The following LYST variants were observed in gnomAD, a reference collection of about 807,000 sequenced individuals.
LYST encodes the protein lysosomal-trafficking regulator.
LYST carries 192 observed loss-of-function variants against 413.6 expected under a neutral mutation model. The ratio of observed to expected loss-of-function variants is 0.46; its 90% CI spans 0.41 to 0.52. The LOEUF is 0.52. Ranked by LOEUF, LYST falls within the 20% of genes least tolerant of loss-of-function variation. LYST has a pLI of 0.00. For missense variants in LYST, 3,815 were observed against 4,499.9 expected (o/e 0.85, Z 4.35); for synonymous variants, 1,525 against 1,567.3 (o/e 0.97, Z 0.64).
intron 46 of LYST, among the ~76,000 whole-genome samples, chr1:235,696,057 A>G (rs1247190848): frequency 1.3e-5 from 2 of 152,238 alleles, no homozygotes; most frequent in South Asian, 4.1e-4. Flanking sequence ...TGAACCATTG[A>G]TAACACAATA....
chr1:235,758,896 C>A (rs41305568), intron 23 of LYST, 76 bp downstream of exon 23: 7 of 1,351,956 alleles, frequency 5.2e-6, no homozygotes, highest in Non-Finnish European at 7.4e-6. Context: ...ATAATGAAGA[C>A]GTTTCCAGAG....
chr1:235,853,669 C>A (rs913562804), intron 1 of LYST, among the ~76,000 whole-genome samples: 1 of 152,102 alleles, frequency 6.6e-6, no homozygotes, highest in Non-Finnish European at 1.5e-5. Flanking sequence ...TCTTGGTTAA[C>A]ATGCCATTCC....
rs553317135 is a variant in LYST at position 235,723,277 on chromosome 1, G to A, written c.9315+751C>T. 1.1e-4 allele frequency among the ~76,000 whole-genome samples: 16 copies of A among 152,274 alleles called. No homozygotes were observed. The South Asian group carries it at 3.1e-3, about 30-fold the overall frequency. On this transcript the variant is annotated intron_variant, in intron 39 of 52. Coordinates refer to ENST00000389793, the MANE Select transcript of LYST (RefSeq NM_000081.4). ...GACTTCTAAATGGAGACATCAGTCG[G>A]GAGTTACAATATGTGAGTGTGGCAT...
intron 21 of LYST, 111 bp downstream of exon 21, chr1:235,765,968 G>A (rs776206544): frequency 1.9e-4 from 164 of 865,518 alleles, no homozygotes; most frequent in Middle Eastern, 1.0e-3. Context: ...ACCCCAATAT[G>A]TAATTAGAGC....
intron 44 of LYST, among the ~76,000 whole-genome samples, chr1:235,704,455 G>C (rs539750672): frequency 6.6e-6 from 1 of 152,120 alleles, no homozygotes; most frequent in African/African-American, 2.4e-5. Flanking sequence ...ATTCTGACTG[G>C]TGGGAGACGG....
chr1:235,667,914 G>A (rs1658629702), intron 50 of LYST, among the ~76,000 whole-genome samples: 1 of 151,710 alleles, frequency 6.6e-6, no homozygotes, highest in East Asian at 1.9e-4. Flanking sequence ...TACCCACCTC[G>A]GCCTCCCAAA....
At chr1:235,761,986 G>C (rs183174366) in intron 22 of LYST, among the ~76,000 whole-genome samples, 1 of 119,514 alleles carries the variant, frequency 8.4e-6, no homozygotes, top group Non-Finnish European at 1.7e-5. Context: ...GGTGGGGGGA[G>C]GGGGGAGGGA....
At chr1:235,844,836 A>G (rs551206080) in intron 1 of LYST, among the ~76,000 whole-genome samples, 5 of 152,350 alleles carry the variant, frequency 3.3e-5, no homozygotes, top group South Asian at 2.1e-4. Context: ...CAGTTAAAAC[A>G]TATCAGTTGA....
rs1161712139 is a variant in LYST, at chr1:235,691,699, C to CT, written c.10701+1650dup. On this transcript the variant is annotated intron_variant, in intron 47 of 52. Coordinates refer to ENST00000389793, the MANE Select transcript of LYST (RefSeq NM_000081.4). ...AAGTACTATAAACATCAGATTCTCTCTTTTTTTTTTTTTTGAGATGGAGTT... is the reference window on the plus strand; with the variant it reads ...AAGTACTATAAACATCAGATTCTCTCTTTTTTTTTTTTTTTGAGATGGAGTT... Among the ~76,000 whole-genome samples the CT allele has an allele frequency of 1.3e-3, 185 of 141,974 alleles. 1 individual carries two copies. The East Asian group carries it at 0.023, about 18-fold the overall frequency. 93.1% of individuals were successfully genotyped at this position (141,974 alleles called of 152,430 possible).
At chr1:235,752,250 T>C in intron 26 of LYST, 79 bp from the exon 27 acceptor site, 1 of 1,043,294 alleles carries the variant, frequency 9.6e-7, no homozygotes, top group Non-Finnish European at 1.5e-6. Flanking sequence ...CTAACTGATT[T>C]AAATGGTTTA....
At chr1:235,685,792 G>A (rs1488070689) in intron 48 of LYST, among the ~76,000 whole-genome samples, 2 of 151,194 alleles carry the variant, frequency 1.3e-5, no homozygotes, top group Non-Finnish European at 2.9e-5. Flanking sequence ...ATTGCATTGA[G>A]CCAAGATCAC....
chr1:235,774,851 T>C, intron 18 of LYST, 62 bp downstream of exon 18: 2 of 1,100,740 alleles, frequency 1.8e-6, no homozygotes, highest in East Asian at 2.4e-5. Context: ...TTGGAAGACT[T>C]TGATGACGAG....
At position 235,759,449 on chromosome 1, in the gene LYST, A is replaced by G. The variant is rs752938038; in HGVS notation, c.6404T>C (p.Ile2135Thr). The change falls in exon 23 of 53, where the codon ATT (isoleucine) becomes ACT (threonine). Residue 2135 changes from isoleucine to threonine, a missense_variant. Physicochemically the swap from Ile to Thr is moderately conservative, Grantham distance 89 (BLOSUM62 -1). Transcript: ENST00000389793. ...TTGGGTGGCAACATAAGTATCTGCAATATTTTGTAACCTGTCGATACTACA... is the reference window on the plus strand; with the variant it reads ...TTGGGTGGCAACATAAGTATCTGCAGTATTTTGTAACCTGTCGATACTACA... Reference protein sequence around the residue: ...LGCSIDRLQNIADTYVATQSK... With the variant: ...LGCSIDRLQNTADTYVATQSK... 6.2e-7 allele frequency: 1 copy of G among 1,614,106 alleles called. No homozygotes were observed. The highest frequency in any genetic ancestry group is 1.1e-5 in the South Asian group (1 of 91,086).
In LYST at chr1:235,791,821, C is replaced by G. The variant is rs1423394609; in HGVS notation, c.4421G>C (p.Ser1474Thr). Residue 1474 changes from serine to threonine, a missense_variant, in exon 12 of 53, where the codon AGT becomes ACT. Coordinates refer to ENST00000389793, the MANE Select transcript of LYST (RefSeq NM_000081.4). ...CTCCACATTAAACCACAGGGAAACA[C>G]TGAAACCTTCTGATAGGTGTGGCCA... ...NCWPHLSEGF[S>T]VSLWFNVECI... 2 of 1,614,028 alleles carry G rather than the reference C, an allele frequency of 1.2e-6. No individual in the cohort carries two copies. Among genetic ancestry groups the G allele is most frequent in the African/African-American group, 2.7e-5 (2 of 74,916 alleles).
chr1:235,706,195 A>G (rs187659903), intron 44 of LYST, among the ~76,000 whole-genome samples: 160 of 152,228 alleles, frequency 1.1e-3, no homozygotes, highest in African/African-American at 3.7e-3. Flanking sequence ...AGGACACACA[A>G]CCCCAAAATT....
At chr1:235,843,945 A>G (rs940761382) in intron 1 of LYST, among the ~76,000 whole-genome samples, 1 of 152,186 alleles carries the variant, frequency 6.6e-6, no homozygotes, top group Non-Finnish European at 1.5e-5. Context: ...TCAATTCAAT[A>G]GTATTAGAGA....
At chr1:235,797,207 A>G (rs1214508718) in intron 10 of LYST, among the ~76,000 whole-genome samples, 1 of 152,222 alleles carries the variant, frequency 6.6e-6, no homozygotes, top group Non-Finnish European at 1.5e-5. Context: ...AAAGGAGAAC[A>G]ACCCAAATGT....
At chr1:235,861,807 C>A (rs959272367) in intron 1 of LYST, among the ~76,000 whole-genome samples, 8 of 152,156 alleles carry the variant, frequency 5.3e-5, no homozygotes, top group African/African-American at 1.9e-4. Flanking sequence ...GACTGATAGA[C>A]TTTTTATCCA....
chr1:235,765,190 C>G (rs1313730632), intron 21 of LYST, among the ~76,000 whole-genome samples: 2 of 152,118 alleles, frequency 1.3e-5, no homozygotes, highest in East Asian at 3.9e-4. Context: ...TGCAGGGCAC[C>G]TCAAATACAA....
Sources: gnomAD v4.1 joint callset for allele counts (sites outside exome capture counted in the v4.1 genomes callset) on GRCh38, gnomAD v4.1.1 for gene constraint, MANE v1.5 for transcripts, NCBI Gene and HGNC (gene_info 2026-07-23, HGNC 2026-07-21) for gene names.